SCAP: variants seen among roughly 807,000 people sequenced by gnomAD.
The protein encoded by SCAP is sterol regulatory element-binding protein cleavage-activating protein.
A neutral mutation model predicts 123.6 loss-of-function variants in SCAP; 65 were observed. That is an observed-to-expected ratio of 0.53 (90% confidence interval 0.43 to 0.65). SCAP has a LOEUF of 0.65. Among genes scored for constraint, SCAP ranks in the 30% least tolerant of loss-of-function variants. The probability of loss-of-function intolerance (pLI) is 0.00; values close to 1 mark genes in which losing one functional copy is unlikely to be tolerated. For missense variants in SCAP, 1,398 were observed against 1,712.5 expected (o/e 0.82, Z 3.24); for synonymous variants, 740 against 726.3 (o/e 1.02, Z -0.30).
At position 47,449,999 on chromosome 3, in the gene SCAP, CT is replaced by C. The variant is rs1206897196; in HGVS notation, c.-98-6909del. Among the ~76,000 whole-genome samples, 10 of 124,002 alleles carry C rather than the reference CT, an allele frequency of 8.1e-5. 3 individuals are homozygous for C. In the South Asian group the frequency reaches 2.1e-3, roughly 26 times the overall value. The allele number at this position is 124,002 out of a possible 152,430, so 81.4% of individuals were successfully genotyped here. A position where few individuals can be genotyped will look rare whatever the true frequency, so the allele number is the denominator to read the frequency against. ...TCAGGATTCTTTGCCTTCAAAGAAACTTTTTTTTCTTTTTTTGAGATGGAGT... is the reference window on the plus strand; with the variant it reads ...TCAGGATTCTTTGCCTTCAAAGAAACTTTTTTTCTTTTTTTGAGATGGAGT... On this transcript the variant is annotated intron_variant, in intron 1 of 22. Coordinates refer to ENST00000265565, the MANE Select transcript of SCAP (RefSeq NM_012235.4).
chr3:47,461,932 G>A (rs1707656715), intron 1 of SCAP, among the ~76,000 whole-genome samples: 1 of 152,120 alleles, frequency 6.6e-6, no homozygotes, highest in African/African-American at 2.4e-5. Flanking sequence ...TACTTGGGAG[G>A]CTGAGACAGG....
At chr3:47,453,891 C>G (rs1010743754) in intron 1 of SCAP, among the ~76,000 whole-genome samples, 2 of 152,120 alleles carry the variant, frequency 1.3e-5, no homozygotes, top group African/African-American at 2.4e-5. Flanking sequence ...TCCATTCAGC[C>G]TTCAGGCACT....
chr3:47,450,435 A>G (rs1368150051), intron 1 of SCAP, among the ~76,000 whole-genome samples: 1 of 125,170 alleles, frequency 8.0e-6, no homozygotes, highest in Non-Finnish European at 1.8e-5. Context: ...ATTATATACA[A>G]AAAGTGCACA....
chr3:47,442,135 G>A (rs766528178), intron 2 of SCAP, among the ~76,000 whole-genome samples: 1 of 152,116 alleles, frequency 6.6e-6, no homozygotes, highest in Non-Finnish European at 1.5e-5. Context: ...AAATGTTTTA[G>A]ACAATGAATC....
chr3:47,446,481 C>T lies in SCAP; in HGVS notation c.-98-3390G>A, dbSNP rs564251836. 3.3e-5 allele frequency among the ~76,000 whole-genome samples: 5 copies of T among 152,034 alleles called. No individual in the cohort carries two copies. The South Asian group carries it at 1.0e-3, about 32-fold the overall frequency. The stretch of plus-strand genomic sequence containing the variant: ...CCACCGTGCCTGGCCCCCCTCAATT[C>T]TTATGTTTACTTTTTTTGTTGTTGT... On this transcript the variant is annotated intron_variant, in intron 1 of 22. Coordinates refer to ENST00000265565, the MANE Select transcript of SCAP (RefSeq NM_012235.4).
In SCAP at chr3:47,414,263, A is replaced by T. The variant is rs148754419; in HGVS notation, c.3511T>A (p.Ser1171Thr). 2.0e-5 allele frequency: 33 copies of T among 1,613,416 alleles called. No homozygotes were observed. Among genetic ancestry groups the T allele is most frequent in the African/African-American group, 4.0e-5 (3 of 74,914 alleles). The change falls in exon 22 of 23, where the codon TCC (serine) becomes ACC (threonine). Residue 1171 changes from serine to threonine, a missense_variant. Ser to Thr is a moderately conservative substitution (Grantham distance 58). Coordinates refer to ENST00000265565, the MANE Select transcript of SCAP (RefSeq NM_012235.4). ...TCCAGGCCACTGCTGATGACACAGG[A>T]GGTGGTACAGGTAAGGGAGGTGACA... The part of the protein sequence containing the change: ...GDVTSLTCTT[S>T]CVISSGLDDL...
intron 1 of SCAP, among the ~76,000 whole-genome samples, chr3:47,448,919 G>A (rs895503922): frequency 6.6e-6 from 1 of 152,040 alleles, no homozygotes; most frequent in African/African-American, 2.4e-5. Context: ...TGGACATTTT[G>A]AATATTATGC....
intron 1 of SCAP, among the ~76,000 whole-genome samples, chr3:47,460,599 C>A (rs1373124772): frequency 6.6e-6 from 1 of 152,178 alleles, no homozygotes; most frequent in Non-Finnish European, 1.5e-5. Context: ...GTCCCCCAGG[C>A]TGAAGTGCAG....
At chr3:47,441,937 G>A (rs1706824493) in intron 2 of SCAP, among the ~76,000 whole-genome samples, 2 of 137,962 alleles carry the variant, frequency 1.4e-5, no homozygotes, top group Middle Eastern at 4.2e-3. Flanking sequence ...TGAACTCCTG[G>A]CCTCAAGTGA....
intron 1 of SCAP, among the ~76,000 whole-genome samples, chr3:47,465,846 A>AC (rs1046454113): frequency 7.3e-5 from 11 of 151,666 alleles, no homozygotes; most frequent in South Asian, 6.3e-4. Context: ...AAAAACAAAA[A>AC]AAAAAAAGCT....
At position 47,442,855 on chromosome 3, in the gene SCAP, G is replaced by A. The variant is rs2107913015; in HGVS notation, c.122+17C>T. 1 of 1,612,774 alleles carries A rather than the reference G, an allele frequency of 6.2e-7. No individual in the cohort carries two copies. Among genetic ancestry groups the A allele is most frequent in the East Asian group, 2.2e-5 (1 of 44,872 alleles). On this transcript the variant is annotated intron_variant, in intron 2 of 22. Transcript: ENST00000265565. ...AAGACACTGGCCCACCATATCCAAG[G>A]CAACCCAAAAACATACCAGCAGGCT... is the stretch of plus-strand genomic sequence containing the variant.
intron 1 of SCAP, among the ~76,000 whole-genome samples, chr3:47,469,582 C>G (rs1707958254): frequency 6.6e-6 from 1 of 152,306 alleles, no homozygotes; most frequent in African/African-American, 2.4e-5. Flanking sequence ...TGGTCTTGAA[C>G]TTCTGACCTC....
intron 1 of SCAP, among the ~76,000 whole-genome samples, chr3:47,448,351 C>G (rs1330701840): frequency 2.0e-5 from 3 of 152,064 alleles, no homozygotes; most frequent in African/African-American, 7.2e-5. Context: ...CAGAGTCTTT[C>G]TGCATGTGTG....
In SCAP at chr3:47,420,919, G is replaced by A. The variant is rs368681594; in HGVS notation, c.1344+12C>T. On this transcript the variant is annotated intron_variant, in intron 11 of 22. Coordinates refer to ENST00000265565, the MANE Select transcript of SCAP (RefSeq NM_012235.4). This position sits in a 1 kb window ranked among gnomAD's most constrained non-coding sequence, Gnocchi z 5.0. ...GAGGAGGCGGGCAGGGCAGGGCTCA[G>A]CCCACTCCTACCTCCATCCGGCGAA... 6 of 1,611,418 alleles carry A rather than the reference G, an allele frequency of 3.7e-6. No homozygotes were observed. The highest frequency in any genetic ancestry group is 5.1e-6 in the Non-Finnish European group (6 of 1,177,920).
intron 8 of SCAP, chr3:47,425,197 T>C (rs1042044439): frequency 5.4e-6 from 2 of 370,236 alleles, no homozygotes; most frequent in Non-Finnish European, 9.8e-6. Flanking sequence ...TACATACTCA[T>C]GTATACACAA....
intron 1 of SCAP, among the ~76,000 whole-genome samples, chr3:47,471,991 T>A (rs1708038859): frequency 6.6e-6 from 1 of 150,652 alleles, no homozygotes; most frequent in South Asian, 2.1e-4. Context: ...AAATACAAAA[T>A]TAGCCAGGTG....
intron 3 of SCAP, among the ~76,000 whole-genome samples, chr3:47,430,067 T>C (rs972139279): frequency 2.0e-5 from 3 of 152,180 alleles, no homozygotes; most frequent in African/African-American, 4.8e-5. Context: ...CCCTGCAGCA[T>C]CAAGATGTAT....
Position 47,419,221 on chromosome 3 carries a change from G to A in SCAP, c.1940+107C>T, listed in dbSNP as rs1312587147. 5.7e-6 allele frequency: 8 copies of A among 1,402,770 alleles called. No individual in the cohort carries two copies. The highest frequency in any genetic ancestry group is 6.7e-6 in the Non-Finnish European group (7 of 1,038,018). 86.9% of individuals were successfully genotyped at this position (1,402,770 alleles called of 1,614,324 possible). A position where few individuals can be genotyped will look rare whatever the true frequency, so the allele number is the denominator to read the frequency against. On this transcript the variant is annotated intron_variant, in intron 13 of 22. Transcript: ENST00000265565. The surrounding 1 kb of genome is among the most constrained non-coding windows in gnomAD (Gnocchi z 5.0). ...TTCCCACCTCACAACCTTATGAACT[G>A]TTTTAATTATTTGCATAATTCAAAC...
intron 8 of SCAP, 54 bp downstream of exon 8, chr3:47,425,431 G>A (rs1273895096): frequency 1.9e-5 from 29 of 1,564,026 alleles, no homozygotes; most frequent in Middle Eastern, 1.7e-4. Context: ...AGAAGTGCAA[G>A]GCTCTCTGGC....
Sources: gnomAD v4.1 joint callset for allele counts (sites outside exome capture counted in the v4.1 genomes callset) on GRCh38, gnomAD v4.1.1 for gene constraint, Gnocchi (gnomAD v3.1) non-coding constraint, MANE v1.5 for transcripts, NCBI Gene and HGNC (gene_info 2026-07-23, HGNC 2026-07-21) for gene names.